Variants in RNGTT observed in about 807,000 individuals in gnomAD.
RNGTT encodes mRNA-capping enzyme.
A neutral mutation model predicts 79.3 loss-of-function variants in RNGTT; 33 were observed. That is an observed-to-expected ratio of 0.42 (90% CI 0.32 to 0.56). RNGTT has a LOEUF of 0.56. Among genes scored for constraint, RNGTT ranks in the 20% least tolerant of loss-of-function variants. The pLI, the probability that RNGTT is intolerant of heterozygous loss-of-function variation, is 0.17. For missense variants in RNGTT, 497 were observed against 739.1 expected, an observed-to-expected ratio of 0.67 and a Z score of 3.80; for synonymous variants, 222 against 235.9, an observed-to-expected ratio of 0.94 and a Z score of 0.54.
chr6:88,741,296 C>T (rs976439416), intron 13 of RNGTT, among the ~76,000 whole-genome samples: 2 of 152,066 alleles, frequency 1.3e-5, no homozygotes, highest in African/African-American at 2.4e-5. Flanking sequence ...TCCTTTGCAG[C>T]GACATGGATA....
intron 13 of RNGTT, among the ~76,000 whole-genome samples, chr6:88,738,280 A>G (rs1777351098): frequency 6.6e-6 from 1 of 152,228 alleles, no homozygotes; most frequent in East Asian, 1.9e-4. Context: ...AATGTCATTA[A>G]AAACGCGGAA....
chr6:88,644,505 G>A (rs1437808910), intron 14 of RNGTT, among the ~76,000 whole-genome samples: 1 of 152,126 alleles, frequency 6.6e-6, no homozygotes, highest in African/African-American at 2.4e-5. Context: ...CATTTTATGA[G>A]GCCAGCATCA....
At chr6:88,943,079 C>T (rs1234407827) in intron 1 of RNGTT, among the ~76,000 whole-genome samples, 1 of 152,162 alleles carries the variant, frequency 6.6e-6, no homozygotes, top group Admixed American at 6.5e-5. Flanking sequence ...CCCTTGGTGT[C>T]TCATCTAGTC....
At chr6:88,691,480 C>A (rs769651542) in intron 13 of RNGTT, among the ~76,000 whole-genome samples, 2 of 152,104 alleles carry the variant, frequency 1.3e-5, no homozygotes, top group African/African-American at 4.8e-5. Flanking sequence ...ATCAAAATCA[C>A]GCAACAGCAA....
chr6:88,948,375 C>T, intron 1 of RNGTT, among the ~76,000 whole-genome samples: 1 of 124,224 alleles, frequency 8.0e-6, no homozygotes, highest in Admixed American at 7.3e-5. Flanking sequence ...GGTCAGCCCC[C>T]CCGCCCGGCC....
intron 1 of RNGTT, among the ~76,000 whole-genome samples, chr6:88,956,941 G>A (rs111771256): frequency 0.01 from 1,542 of 152,264 alleles, 20 homozygotes; most frequent in African/African-American, 0.035. Flanking sequence ...GCTGAGGCAG[G>A]AGAATCACTT....
chr6:88,851,062 T>C (rs1781654359), intron 9 of RNGTT, among the ~76,000 whole-genome samples: 1 of 151,946 alleles, frequency 6.6e-6, no homozygotes, highest in Non-Finnish European at 1.5e-5. Flanking sequence ...GGTGATGAAA[T>C]GTTCTGGAAT....
intron 14 of RNGTT, among the ~76,000 whole-genome samples, chr6:88,645,660 A>G (rs1773520207): frequency 6.6e-6 from 1 of 152,232 alleles, no homozygotes; most frequent in South Asian, 2.1e-4. Context: ...ACAGAGATAC[A>G]GACCAATGGA....
chr6:88,664,279 TGA>T (rs1257046391), intron 14 of RNGTT, among the ~76,000 whole-genome samples: 3 of 152,222 alleles, frequency 2.0e-5, no homozygotes, highest in South Asian at 2.1e-4. Context: ...TGCAATTTTA[TGA>T]GAGACTGTGT....
rs569034287 is a variant in RNGTT at position 88,851,825 on chromosome 6, C to T, written c.1032+1804G>A. Among the ~76,000 whole-genome samples, 23 of 151,408 alleles carry T rather than the reference C, an allele frequency of 1.5e-4. No individual in the cohort carries two copies. In the East Asian group the frequency reaches 4.5e-3, roughly 29 times the overall value. ...ACAGATATGGCAACTATAATTCTAG[C>T]CCAAGTAAATTGACATCATGAATCA... On this transcript the variant is annotated intron_variant, in intron 9 of 15. Coordinates refer to ENST00000369485, the MANE Select transcript of RNGTT (RefSeq NM_003800.5).
chr6:88,810,823 TA>T (rs1393531091), intron 11 of RNGTT, among the ~76,000 whole-genome samples: 1 of 152,158 alleles, frequency 6.6e-6, no homozygotes, highest in Non-Finnish European at 1.5e-5. Flanking sequence ...AACATCCCAA[TA>T]AAAATACAAT....
intron 11 of RNGTT, among the ~76,000 whole-genome samples, chr6:88,828,915 G>A (rs555951711): frequency 6.6e-6 from 1 of 152,238 alleles, no homozygotes; most frequent in South Asian, 2.1e-4. Context: ...TGTTTGATTG[G>A]TGTACCTGAA....
At chr6:88,762,933 CTTT>C (rs369032803) in intron 13 of RNGTT, among the ~76,000 whole-genome samples, 2 of 151,292 alleles carry the variant, frequency 1.3e-5, no homozygotes, top group Non-Finnish European at 3.0e-5. Flanking sequence ...TTTCTTTTTC[CTTT>C]TTTTTAAGGA....
At chr6:88,916,541 ATGT>A (rs1367584934) in intron 4 of RNGTT, among the ~76,000 whole-genome samples, 4 of 152,198 alleles carry the variant, frequency 2.6e-5, no homozygotes, top group Non-Finnish European at 5.9e-5. Context: ...ATATCTCAAT[ATGT>A]TGTTTTTTTA....
intron 13 of RNGTT, among the ~76,000 whole-genome samples, chr6:88,739,725 T>TTATTTATATATATATATA (rs1777405492): frequency 1.1e-5 from 1 of 94,152 alleles, no homozygotes; most frequent in African/African-American, 4.6e-5. Flanking sequence ...GTGAAAAAAA[T>TTATTTATATATATATATA]TATATATATA....
chr6:88,694,755 C>T (rs534555031), intron 13 of RNGTT, among the ~76,000 whole-genome samples: 2 of 152,158 alleles, frequency 1.3e-5, no homozygotes, highest in African/African-American at 2.4e-5. Flanking sequence ...GATACGCTGA[C>T]CAATGGAAGA....
At chr6:88,857,238 A>G (rs955049952) in intron 8 of RNGTT, among the ~76,000 whole-genome samples, 23 of 152,196 alleles carry the variant, frequency 1.5e-4, no homozygotes, top group African/African-American at 5.5e-4. Flanking sequence ...ACAGAAAACA[A>G]TGGTAACTAA....
chr6:88,616,312 G>A (rs750310245), intron 14 of RNGTT, among the ~76,000 whole-genome samples: 26 of 152,190 alleles, frequency 1.7e-4, no homozygotes, highest in East Asian at 3.8e-4. Flanking sequence ...TGCAAAGAAC[G>A]TGGGTGTGAA....
At chr6:88,814,585 T>C (rs1330989925) in intron 11 of RNGTT, among the ~76,000 whole-genome samples, 1 of 152,182 alleles carries the variant, frequency 6.6e-6, no homozygotes, top group African/African-American at 2.4e-5. Flanking sequence ...TGTATCCAGA[T>C]TGCAGCTGAC....
Sources: gnomAD v4.1 joint callset for allele counts (sites outside exome capture counted in the v4.1 genomes callset) on GRCh38, gnomAD v4.1.1 for gene constraint, MANE v1.5 for transcripts, NCBI Gene and HGNC (gene_info 2026-07-23, HGNC 2026-07-21) for gene names.